LAMA2: variants seen among roughly 807,000 people sequenced by gnomAD.
LAMA2 encodes the protein laminin subunit alpha 2, also known as laminin subunit alpha-2.
LAMA2 carries 269 observed loss-of-function variants against 364.8 expected under a neutral mutation model. The observed-to-expected ratio is 0.74, with a 90% confidence interval of 0.67 to 0.82. LAMA2 has a LOEUF of 0.82. LAMA2 is among the 40% of genes least tolerant of loss of function. LAMA2 has a pLI of 0.00. For synonymous variants in LAMA2, 1,379 were observed against 1,370.6 expected (o/e 1.01, Z -0.14); for missense variants, 3,807 against 3,873.2 (o/e 0.98, Z 0.45).
intron 1 of LAMA2, among the ~76,000 whole-genome samples, chr6:129,017,942 G>T (rs1273775466): frequency 6.6e-6 from 1 of 151,688 alleles, no homozygotes; most frequent in Non-Finnish European, 1.5e-5. Flanking sequence ...CTAAATATAT[G>T]CACAGCAATA....
chr6:129,368,470 A>G (rs1777897043), intron 33 of LAMA2, among the ~76,000 whole-genome samples: 1 of 152,264 alleles, frequency 6.6e-6, no homozygotes, highest in South Asian at 2.1e-4. Context: ...CCTGGTATTC[A>G]GGGAAGTGAA....
intron 20 of LAMA2, chr6:129,293,134 C>T: frequency 3.1e-6 from 3 of 957,138 alleles, no homozygotes; most frequent in South Asian, 9.6e-5. Context: ...GGCTGAAGTT[C>T]CCTGGTGGCA....
At chr6:129,144,116 G>A (rs771700086) in intron 5 of LAMA2, 36 bp downstream of exon 5, 1 of 1,505,276 alleles carries the variant, frequency 6.6e-7, no homozygotes. Flanking sequence ...GCCTACAAAT[G>A]ATATCCCACT....
intron 10 of LAMA2, 102 bp downstream of exon 10, chr6:129,177,968 TG>T: frequency 8.5e-7 from 1 of 1,175,582 alleles, no homozygotes; most frequent in Non-Finnish European, 1.2e-6. Context: ...TAATGACTTC[TG>T]GAAGTATCCA....
intron 1 of LAMA2, among the ~76,000 whole-genome samples, chr6:128,957,041 C>A (rs1781198837): frequency 6.6e-6 from 1 of 152,126 alleles, no homozygotes; most frequent in Non-Finnish European, 1.5e-5. Flanking sequence ...TCTCAGGACA[C>A]TCTTCTGTGT....
At chr6:129,322,979 A>C (rs530425831) in intron 28 of LAMA2, among the ~76,000 whole-genome samples, 1 of 152,370 alleles carries the variant, frequency 6.6e-6, no homozygotes, top group South Asian at 2.1e-4. Flanking sequence ...CATCTGCATT[A>C]GTGGCTTCAC....
rs868386827 is a variant in LAMA2, at chr6:129,464,295, A to G, written c.6998A>G (p.Gln2333Arg). Residue 2333 changes from glutamine (Q) to arginine (R), a missense_variant, in exon 50 of 65, where the codon CAG becomes CGG. Gln to Arg is a conservative substitution (Grantham distance 43). This residue lies in a region of LAMA2 where 3,333 missense variants were observed against 3,345.7 expected (regional missense o/e 1.00). Coordinates refer to ENST00000421865, the MANE Select transcript of LAMA2 (RefSeq NM_000426.4). ...TGAAATGTCTCTCTTCTCAGTCCTCAGGTGGAAGATAGTGAGGGGACTATT... is the reference window on the plus strand; with the variant it reads ...TGAAATGTCTCTCTTCTCAGTCCTCGGGTGGAAGATAGTGAGGGGACTATT... ...GDCKGCTVSP[Q>R]VEDSEGTIQF... 1.9e-6 allele frequency: 3 copies of G among 1,611,356 alleles called. No individual in the cohort carries two copies. Among genetic ancestry groups the G allele is most frequent in the Admixed American group, 3.3e-5 (2 of 59,836 alleles).
intron 54 of LAMA2, among the ~76,000 whole-genome samples, chr6:129,480,030 C>T (rs558592263): frequency 6.6e-6 from 1 of 152,274 alleles, no homozygotes; most frequent in South Asian, 2.1e-4. Context: ...AATGAATAGC[C>T]TCTGCACGTG....
At chr6:129,087,897 T>A (rs117711732) in intron 3 of LAMA2, among the ~76,000 whole-genome samples, 13,994 of 150,798 alleles carry the variant, frequency 0.093, 766 homozygotes, top group Middle Eastern at 0.14. Context: ...AATTTAATTT[T>A]ATTTATTTAT....
At chr6:129,343,974 G>A (rs1776408860) in intron 30 of LAMA2, among the ~76,000 whole-genome samples, 1 of 152,108 alleles carries the variant, frequency 6.6e-6, no homozygotes, top group Admixed American at 6.6e-5. Flanking sequence ...TTTGGAACAT[G>A]GCGTTCAGAC....
intron 64 of LAMA2, among the ~76,000 whole-genome samples, chr6:129,515,542 T>G (rs1468528658): frequency 1.3e-5 from 2 of 152,208 alleles, no homozygotes; most frequent in Non-Finnish European, 2.9e-5. Context: ...AAGAGGAAGA[T>G]TCTACATGAA....
intron 4 of LAMA2, among the ~76,000 whole-genome samples, chr6:129,114,663 T>C (rs1776358062): frequency 6.6e-6 from 1 of 152,004 alleles, no homozygotes; most frequent in Non-Finnish European, 1.5e-5. Flanking sequence ...CTTTCTTAGA[T>C]GATTAGGTAG....
At chr6:129,221,310 TTC>T (rs919248904) in intron 12 of LAMA2, among the ~76,000 whole-genome samples, 2 of 150,286 alleles carry the variant, frequency 1.3e-5, no homozygotes, top group African/African-American at 4.8e-5. Flanking sequence ...TTTTTTTTTT[TTC>T]ATTTGGAACA....
rs555415085 is a variant in LAMA2, at chr6:129,359,788, G to C, written c.4717+6431G>C. Among the ~76,000 whole-genome samples the C allele has an allele frequency of 3.9e-5, 6 of 152,022 alleles. 1 individual carries two copies. Among genetic ancestry groups the C allele is most frequent in the South Asian group, 4.1e-4 (2 of 4,822 alleles). Reference sequence around the variant, plus strand: ...AAAAATACTCAGTGTCCTCATTTTAGCTTCAGCTTCTTTGGTTTGGATGCA... The same window carrying C: ...AAAAATACTCAGTGTCCTCATTTTACCTTCAGCTTCTTTGGTTTGGATGCA... On this transcript the variant is annotated intron_variant, in intron 32 of 64. Coordinates refer to ENST00000421865, the MANE Select transcript of LAMA2 (RefSeq NM_000426.4).
At chr6:129,422,654 A>ATAAAT (rs1217833070) in intron 40 of LAMA2, among the ~76,000 whole-genome samples, 1 of 152,158 alleles carries the variant, frequency 6.6e-6, no homozygotes, top group African/African-American at 2.4e-5. Context: ...AAACTCACAG[A>ATAAAT]TAAATAATCT....
chr6:129,438,973 A>C (rs1781969337), intron 42 of LAMA2, among the ~76,000 whole-genome samples: 1 of 151,958 alleles, frequency 6.6e-6, no homozygotes, highest in Non-Finnish European at 1.5e-5. Context: ...GCCTTTAGCC[A>C]GTATCCTTAG....
intron 1 of LAMA2, among the ~76,000 whole-genome samples, chr6:128,959,341 A>G (rs919548056): frequency 6.6e-6 from 1 of 152,148 alleles, no homozygotes; most frequent in African/African-American, 2.4e-5. Context: ...AGTGAAGAAA[A>G]GGTAAATGTT....
chr6:129,365,574 G>A (rs1014018790), intron 32 of LAMA2, among the ~76,000 whole-genome samples: 1 of 151,912 alleles, frequency 6.6e-6, no homozygotes, highest in Non-Finnish European at 1.5e-5. Context: ...TGTTGGTCAG[G>A]CTGGTCTTGA....
At chr6:129,501,319 T>C (rs1195615327) in intron 58 of LAMA2, among the ~76,000 whole-genome samples, 1 of 152,234 alleles carries the variant, frequency 6.6e-6, no homozygotes, top group Admixed American at 6.5e-5. Flanking sequence ...TTTCCTGTCC[T>C]ACCCACGGGG....
Sources: allele counts gnomAD v4.1 joint callset (sites outside exome capture counted in the v4.1 genomes callset), GRCh38; gene constraint gnomAD v4.1.1; regional missense constraint gnomAD v4.1.1; transcripts MANE v1.5; gene names NCBI Gene and HGNC (gene_info 2026-07-23, HGNC 2026-07-21).